ADAM23: variants seen among roughly 807,000 people sequenced by gnomAD.
The protein encoded by ADAM23 is disintegrin and metalloproteinase domain-containing protein 23.
In ADAM23, 33 loss-of-function variants were observed where a neutral mutation model predicts 120.1. The ratio of observed to expected loss-of-function variants is 0.27; its 90% CI spans 0.21 to 0.37. The LOEUF is 0.37. Ranked by LOEUF, ADAM23 falls within the 10% of genes least tolerant of loss-of-function variation. The pLI, the probability that ADAM23 is intolerant of heterozygous loss-of-function variation, is 1.00. For synonymous variants in ADAM23, 367 were observed against 375.2 expected (o/e 0.98, Z 0.25); for missense variants, 862 against 1,058.2 (o/e 0.81, Z 2.57).
At chr2:206,545,660 A>T (rs1697383799) in intron 6 of ADAM23, among the ~76,000 whole-genome samples, 1 of 152,204 alleles carries the variant, frequency 6.6e-6, no homozygotes, top group African/African-American at 2.4e-5. Context: ...GTGTTTGAAT[A>T]AACCTCTGTC....
At chr2:206,492,216 G>A (rs937229449) in intron 3 of ADAM23, among the ~76,000 whole-genome samples, 9 of 152,298 alleles carry the variant, frequency 5.9e-5, no homozygotes, top group South Asian at 4.1e-4. Context: ...TGGATAACAA[G>A]GTAAATGTTT....
chr2:206,570,830 C>G lies in ADAM23; in HGVS notation c.1566+19C>G, dbSNP rs1396674513. ...TCATGTGGTAGGTATAAGAAACCTT[C>G]TATACTTACAGCACAGATCTTACTT... On this transcript the variant is annotated intron_variant, in intron 16 of 25. Coordinates refer to ENST00000264377, the MANE Select transcript of ADAM23 (RefSeq NM_003812.4). 6.3e-7 allele frequency: 1 copy of G among 1,599,436 alleles called. No individual in the cohort carries two copies. The highest frequency in any genetic ancestry group is 1.3e-5 in the African/African-American group (1 of 74,538).
intron 2 of ADAM23, among the ~76,000 whole-genome samples, chr2:206,448,290 C>G (rs189296298): frequency 1.3e-5 from 2 of 152,288 alleles, no homozygotes; most frequent in Admixed American, 1.3e-4. Flanking sequence ...TACTCAAATT[C>G]AAGATTCTTT....
intron 24 of ADAM23, among the ~76,000 whole-genome samples, chr2:206,598,338 G>T (rs942651563): frequency 6.6e-6 from 1 of 151,924 alleles, no homozygotes; most frequent in Non-Finnish European, 1.5e-5. Context: ...GTTATTAATT[G>T]TCTGGTTCTG....
chr2:206,453,751 G>C (rs1015815721), intron 2 of ADAM23, among the ~76,000 whole-genome samples: 2 of 152,266 alleles, frequency 1.3e-5, no homozygotes, highest in African/African-American at 4.8e-5. Context: ...AGTGACATGA[G>C]AGGTTCATTC....
intron 24 of ADAM23, chr2:206,607,029 A>AC (rs1186855200): frequency 1.3e-5 from 2 of 152,120 alleles, no homozygotes; most frequent in Non-Finnish European, 2.9e-5. Flanking sequence ...GAATTGGGAG[A>AC]CCCGGGGACC....
At chr2:206,547,963 C>A (rs1030082083) in intron 7 of ADAM23, among the ~76,000 whole-genome samples, 3 of 151,946 alleles carry the variant, frequency 2.0e-5, no homozygotes, top group African/African-American at 7.3e-5. Flanking sequence ...AAGCTAATGC[C>A]ATACATTATT....
At chr2:206,538,139 A>G (rs1365992557) in intron 4 of ADAM23, among the ~76,000 whole-genome samples, 1 of 152,170 alleles carries the variant, frequency 6.6e-6, no homozygotes, top group Non-Finnish European at 1.5e-5. Flanking sequence ...GGTACAGCCA[A>G]ACTGTTCTAA....
chr2:206,529,026 C>G (rs1286801119), intron 3 of ADAM23, among the ~76,000 whole-genome samples: 2 of 152,170 alleles, frequency 1.3e-5, no homozygotes, highest in East Asian at 3.9e-4. Flanking sequence ...TAATCCAGTG[C>G]TCTTCAGGAG....
At chr2:206,573,646 G>A (rs1365918433) in intron 18 of ADAM23, among the ~76,000 whole-genome samples, 1 of 151,826 alleles carries the variant, frequency 6.6e-6, no homozygotes, top group Non-Finnish European at 1.5e-5. Flanking sequence ...AATTGGACAT[G>A]CATTAAGACA....
chr2:206,561,853 C>T (rs889918351), intron 12 of ADAM23, among the ~76,000 whole-genome samples: 2 of 152,064 alleles, frequency 1.3e-5, no homozygotes, highest in Non-Finnish European at 2.9e-5. Context: ...GTATATTATA[C>T]CAGGTTATCC....
At chr2:206,524,370 A>G (rs1021906016) in intron 3 of ADAM23, among the ~76,000 whole-genome samples, 1 of 152,162 alleles carries the variant, frequency 6.6e-6, no homozygotes, top group South Asian at 2.1e-4. Flanking sequence ...GTGATCTCAT[A>G]GCTTCCTGAC....
intron 23 of ADAM23, 46 bp downstream of exon 23, chr2:206,594,951 T>A (rs777792980): frequency 1.9e-6 from 3 of 1,601,686 alleles, no homozygotes; most frequent in Non-Finnish European, 1.7e-6. Flanking sequence ...TGGTCTGGCA[T>A]GGTCACAGTG....
chr2:206,494,231 A>T (rs1252705403), intron 3 of ADAM23, among the ~76,000 whole-genome samples: 1 of 152,322 alleles, frequency 6.6e-6, no homozygotes, highest in Non-Finnish European at 1.5e-5. Flanking sequence ...TGATTCTGCA[A>T]AATGGAAACT....
chr2:206,567,368 G>A (rs1054116226), intron 15 of ADAM23, 46 bp downstream of exon 15: 4 of 1,487,686 alleles, frequency 2.7e-6, no homozygotes, highest in Non-Finnish European at 3.7e-6. Context: ...TATTTCTCCA[G>A]TGTTTTACAG....
At chr2:206,573,289 A>G in intron 18 of ADAM23, 94 bp downstream of exon 18, 2 of 1,282,728 alleles carry the variant, frequency 1.6e-6, no homozygotes, top group Non-Finnish European at 2.3e-6. Flanking sequence ...TTCAGATTTA[A>G]GATTTTTTGG....
chr2:206,522,557 A>G (rs1181510702), intron 3 of ADAM23, among the ~76,000 whole-genome samples: 1 of 152,196 alleles, frequency 6.6e-6, no homozygotes, highest in Admixed American at 6.5e-5. Context: ...TCTTCTGTAC[A>G]AGGTTACCAG....
chr2:206,602,811 TTCTG>T (rs548502903), intron 24 of ADAM23, among the ~76,000 whole-genome samples: 9 of 152,156 alleles, frequency 5.9e-5, no homozygotes, highest in Non-Finnish European at 1.3e-4. Flanking sequence ...TTACCAAAAA[TTCTG>T]TCTTTTAGCA....
chr2:206,602,137 C>T (rs543656021), intron 24 of ADAM23, among the ~76,000 whole-genome samples: 2 of 152,188 alleles, frequency 1.3e-5, no homozygotes, highest in African/African-American at 2.4e-5. Context: ...TGATTATGCT[C>T]ATGTATAATT....
Sources: gnomAD v4.1 joint callset for allele counts (sites outside exome capture counted in the v4.1 genomes callset) on GRCh38, gnomAD v4.1.1 for gene constraint, MANE v1.5 for transcripts, NCBI Gene and HGNC (gene_info 2026-07-23, HGNC 2026-07-21) for gene names.